Variants in DST observed in about 807,000 individuals in gnomAD.
DST encodes the protein dystonin, also known as bullous pemphigoid antigen.
Under a neutral mutation model 875.2 loss-of-function variants are expected in DST, and 253 were observed. That is an observed-to-expected ratio of 0.29 (90% confidence interval 0.26 to 0.32). The LOEUF (loss-of-function observed/expected upper bound fraction) is 0.32, where lower values mean the gene tolerates loss of function less well. Ranked by LOEUF, DST falls within the 10% of genes least tolerant of loss-of-function variation. DST has a pLI of 1.00. For synonymous variants in DST, 3,124 were observed against 3,197.1 expected (o/e 0.98, Z 0.77); for missense variants, 8,287 against 9,111.6 (o/e 0.91, Z 3.68).
intron 3 of DST, among the ~76,000 whole-genome samples, chr6:56,884,856 G>C (rs534006077): frequency 2.6e-5 from 4 of 152,154 alleles, no homozygotes; most frequent in African/African-American, 9.6e-5. Context: ...AGCCTCCCAG[G>C]TAGCTGAGAC....
Position 56,553,015 on chromosome 6 carries a change from T to C in DST, c.15777A>G (p.Glu5259=), listed in dbSNP as rs1223506534. 8 of 1,613,866 alleles carry C rather than the reference T, an allele frequency of 5.0e-6. No homozygotes were observed. The highest frequency in any genetic ancestry group is 4.0e-5 in the African/African-American group (3 of 74,950). The stretch of plus-strand genomic sequence containing the variant: ...GACAGAATTTCTTACTGTGAAGTTG[T>C]TCAGTGACCATGTCCACCTTCTGGA... The part of the protein sequence containing the change: ...SLIQKVDMVT[E]QLHSKKFCLE... Residue 5259 remains glutamate (E), a synonymous_variant, in exon 61 of 104, where the codon GAA becomes GAG. Transcript: ENST00000680361.
At chr6:56,524,396 G>A (rs1381746206) in intron 69 of DST, among the ~76,000 whole-genome samples, 3 of 151,882 alleles carry the variant, frequency 2.0e-5, no homozygotes, top group South Asian at 2.1e-4. Context: ...TGGAACCTTC[G>A]GATTATTGAA....
chr6:56,665,821 A>G lies in DST; in HGVS notation c.1214+4820T>C, dbSNP rs574701836. ...ACCCAAGTAACAAACCTGCACATATACCCCTAGAATCTAAAATAAAAGTTG... is the reference window on the plus strand; with the variant it reads ...ACCCAAGTAACAAACCTGCACATATGCCCCTAGAATCTAAAATAAAAGTTG... On this transcript the variant is annotated intron_variant, in intron 10 of 103. Coordinates refer to ENST00000680361, the MANE Select transcript of DST (RefSeq NM_001374736.1). 6.0e-4 allele frequency among the ~76,000 whole-genome samples: 92 copies of G among 152,218 alleles called. 1 individual carries two copies. The highest frequency in any genetic ancestry group is 5.6e-3 in the South Asian group (27 of 4,822).
At chr6:56,477,624 C>T (rs1326752495) in intron 90 of DST, 136 bp from the exon 91 acceptor site, 1 of 1,134,434 alleles carries the variant, frequency 8.8e-7, no homozygotes, top group Admixed American at 2.1e-5. Context: ...AAATCATCTA[C>T]TAATTGGGGA....
chr6:56,851,246 G>A, intron 4 of DST, 151 bp downstream of exon 4: 1 of 729,444 alleles, frequency 1.4e-6, no homozygotes, highest in South Asian at 2.0e-5. Context: ...GTAAAACAAG[G>A]CATAAAGTAA....
At chr6:56,872,445 C>T (rs1288757862) in intron 3 of DST, among the ~76,000 whole-genome samples, 1 of 151,964 alleles carries the variant, frequency 6.6e-6, no homozygotes, top group Non-Finnish European at 1.5e-5. Context: ...TCACTTGAGC[C>T]CAGGAGTTTG....
intron 4 of DST, among the ~76,000 whole-genome samples, chr6:56,815,148 T>C (rs986479037): frequency 2.0e-5 from 3 of 152,146 alleles, no homozygotes; most frequent in Non-Finnish European, 4.4e-5. Flanking sequence ...ATTTAACATA[T>C]ATAAAGCATT....
In DST at chr6:56,614,437, T is replaced by C; in HGVS notation, c.4977A>G (p.Glu1659=). 2 of 1,610,096 alleles carry C rather than the reference T, an allele frequency of 1.2e-6. No individual in the cohort carries two copies. Among genetic ancestry groups the C allele is most frequent in the Non-Finnish European group, 1.7e-6 (2 of 1,178,272 alleles). Residue 1659 remains glutamate (E), a synonymous_variant, in exon 37 of 104, where the codon GAA becomes GAG. Transcript: ENST00000680361. ...TGATATTTGATACCCATTTTTGCAATTCTTTGGCTTTTTCAACATGTTCTT... is the reference window on the plus strand; with the variant it reads ...TGATATTTGATACCCATTTTTGCAACTCTTTGGCTTTTTCAACATGTTCTT... The part of the protein sequence containing the change: ...EKKEHVEKAK[E]LQKWVSNISK...
Position 56,609,116 on chromosome 6 carries a change from G to C in DST, c.5512C>G (p.Leu1838Val), listed in dbSNP as rs771651531. Reference protein sequence around the residue: ...DEQILCQLKELSKAKEIISAA... With the variant: ...DEQILCQLKEVSKAKEIISAA... ...GAAATAATCTCCTTAGCTTTACTTA[G>C]TTCTTTGAGTTGGCACAGAATTTGT... The change falls in exon 40 of 104, where the codon CTA becomes GTA. Residue 1838 changes from leucine (L) to valine (V), a missense_variant. Leu to Val is a conservative substitution (Grantham distance 32). Coordinates refer to ENST00000680361, the MANE Select transcript of DST (RefSeq NM_001374736.1). 1.9e-6 allele frequency: 3 copies of C among 1,613,700 alleles called. No homozygotes were observed. In the African/African-American group the frequency reaches 4.0e-5, roughly 22 times the overall value.
Position 56,555,782 on chromosome 6 carries a change from C to A in DST, c.14699G>T (p.Gly4900Val). 2 of 1,570,698 alleles carry A rather than the reference C, an allele frequency of 1.3e-6. No homozygotes were observed. Among genetic ancestry groups the A allele is most frequent in the Non-Finnish European group, 8.7e-7 (1 of 1,153,542 alleles). ...TCCAGGCCTGCTCAGAATGCCCTGA[C>A]CAGCTGCTGTCAGCTGTTCATATTG... ...KPQYEQLTAA[G>V]QGILSRPGED... Residue 4900 changes from glycine (G) to valine (V), a missense_variant, in exon 60 of 104, where the codon GGT becomes GTT. Physicochemically the swap from Gly to Val is moderately radical, Grantham distance 109. Coordinates refer to ENST00000680361, the MANE Select transcript of DST (RefSeq NM_001374736.1).
At position 56,940,207 on chromosome 6, in the gene DST, C is replaced by T. The variant is rs1054313742; in HGVS notation, c.216+13578G>A. ...TTACCCCCATACACACACACACACA[C>T]ACACACACACACACACACACACACA... On this transcript the variant is annotated intron_variant, in intron 2 of 103. Coordinates refer to ENST00000680361, the MANE Select transcript of DST (RefSeq NM_001374736.1). Among the ~76,000 whole-genome samples the T allele has an allele frequency of 2.5e-3, 376 of 150,816 alleles. 3 individuals carry two copies. The East Asian group carries it at 0.038, about 15-fold the overall frequency.
At position 56,517,281 on chromosome 6, in the gene DST, G is replaced by A. The variant is rs1245258859; in HGVS notation, c.18274C>T (p.His6092Tyr). Residue 6092 changes from histidine (H) to tyrosine (Y), a missense_variant, in exon 71 of 104, where the codon CAC becomes TAC. By Grantham distance (83) the His-to-Tyr change is moderately conservative (BLOSUM62 2). This residue lies in a region of DST where 777 missense variants were observed against 764.8 expected (regional missense o/e 1.02). Transcript: ENST00000680361. ...ACAAGGTCATCAATAATATCCTTGT[G>A]TCTCAAAATCTCCATGGTGAATGTC... Reference protein sequence around the residue: ...QKTFTMEILRHKDIIDDLVKS... With the variant: ...QKTFTMEILRYKDIIDDLVKS... 6.2e-7 allele frequency: 1 copy of A among 1,612,360 alleles called. No homozygotes were observed. The highest frequency in any genetic ancestry group is 1.3e-5 in the African/African-American group (1 of 74,950).
At chr6:56,601,929 C>A in intron 43 of DST, 1 of 448,910 alleles carries the variant, frequency 2.2e-6, no homozygotes, top group Middle Eastern at 3.3e-4. Flanking sequence ...CTTTACCTGT[C>A]ACATTGCACT....
At chr6:56,890,768 C>T (rs992852384) in intron 3 of DST, among the ~76,000 whole-genome samples, 3 of 152,200 alleles carry the variant, frequency 2.0e-5, no homozygotes, top group Non-Finnish European at 4.4e-5. Flanking sequence ...TGCACAGTCA[C>T]GCTTTCTGAC....
chr6:56,499,936 G>A (rs1270661626), intron 80 of DST, among the ~76,000 whole-genome samples: 2 of 152,122 alleles, frequency 1.3e-5, no homozygotes, highest in Non-Finnish European at 2.9e-5. Flanking sequence ...ATTAAATAAT[G>A]AAACAAGCTT....
intron 10 of DST, among the ~76,000 whole-genome samples, chr6:56,652,369 C>T (rs898879463): frequency 6.6e-6 from 1 of 152,118 alleles, no homozygotes; most frequent in African/African-American, 2.4e-5. Flanking sequence ...ACAGGAAAGC[C>T]TTCAAAGAGT....
intron 3 of DST, chr6:56,871,535 G>A (rs899993095): frequency 7.8e-7 from 1 of 1,285,716 alleles, no homozygotes; most frequent in African/African-American, 1.4e-5. Flanking sequence ...TGGTCATTGA[G>A]CATATCCAAA....
intron 49 of DST, among the ~76,000 whole-genome samples, chr6:56,586,481 T>A (rs1243067521): frequency 6.6e-6 from 1 of 151,924 alleles, no homozygotes; most frequent in African/African-American, 2.4e-5. Context: ...ATTTTGAGCC[T>A]ATGTGTGTCT....
Position 56,635,770 on chromosome 6 carries a change from A to C in DST, c.3061-56T>G, listed in dbSNP as rs138597273. The C allele has an allele frequency of 2.7e-4, 435 of 1,595,386 alleles. 3 individuals are homozygous for C. The East Asian group carries it at 9.0e-3, about 33-fold the overall frequency. On this transcript the variant is annotated intron_variant, in intron 23 of 103. Coordinates refer to ENST00000680361, the MANE Select transcript of DST (RefSeq NM_001374736.1). The stretch of plus-strand genomic sequence containing the variant: ...TATGTTAAATACCAGCAAAGCACAC[A>C]GTTGTCACACTCCAATACCAAGGTC...
Sources: allele counts gnomAD v4.1 joint callset (sites outside exome capture counted in the v4.1 genomes callset), GRCh38; gene constraint gnomAD v4.1.1; regional missense constraint gnomAD v4.1.1; transcripts MANE v1.5; gene names NCBI Gene and HGNC (gene_info 2026-07-23, HGNC 2026-07-21).